The following IL20RA variants were observed in gnomAD, a reference collection of about 807,000 sequenced individuals.
The protein encoded by IL20RA is interleukin 20 receptor subunit alpha.
A neutral mutation model predicts 36.5 loss-of-function variants in IL20RA; 29 were observed. The ratio of observed to expected loss-of-function variants is 0.79; its 90% CI spans 0.59 to 1.08. The LOEUF (loss-of-function observed/expected upper bound fraction) is 1.08, where lower values mean the gene tolerates loss of function less well. Ranked by LOEUF, IL20RA falls within the 50% of genes least tolerant of loss-of-function variation. IL20RA has a pLI of 0.00. For missense variants in IL20RA, 652 were observed against 668.4 expected, an observed-to-expected ratio of 0.98 and a Z score of 0.27; for synonymous variants, 279 against 267.1, an observed-to-expected ratio of 1.04 and a Z score of -0.43.
intron 6 of IL20RA, among the ~76,000 whole-genome samples, chr6:137,002,567 T>C (rs1344011186): frequency 6.6e-6 from 1 of 152,128 alleles, no homozygotes; most frequent in East Asian, 1.9e-4. Context: ...AAGCGAGAAG[T>C]GATTCGCTGG....
At chr6:137,027,244 A>T (rs1286945744) in intron 1 of IL20RA, among the ~76,000 whole-genome samples, 3 of 152,190 alleles carry the variant, frequency 2.0e-5, no homozygotes, top group Non-Finnish European at 4.4e-5. Flanking sequence ...CTGAGAAAAA[A>T]GCTGCACAAC....
intron 2 of IL20RA, among the ~76,000 whole-genome samples, chr6:137,015,021 A>G (rs1179088496): frequency 6.6e-6 from 1 of 152,176 alleles, no homozygotes; most frequent in Non-Finnish European, 1.5e-5. Flanking sequence ...TCTTTTCCTC[A>G]CAAGATATAT....
At chr6:137,039,560 G>A (rs377742028) in intron 1 of IL20RA, among the ~76,000 whole-genome samples, 72 of 152,260 alleles carry the variant, frequency 4.7e-4, no homozygotes, top group African/African-American at 1.4e-3. Flanking sequence ...TTTGCTCATC[G>A]GTGCAAAAGA....
At chr6:137,038,553 A>G (rs1262647617) in intron 1 of IL20RA, among the ~76,000 whole-genome samples, 1 of 152,140 alleles carries the variant, frequency 6.6e-6, no homozygotes, top group Non-Finnish European at 1.5e-5. Flanking sequence ...AAGTGATTTA[A>G]TTCATGTTTC....
chr6:137,038,747 C>T (rs989841521), intron 1 of IL20RA, among the ~76,000 whole-genome samples: 1 of 152,054 alleles, frequency 6.6e-6, no homozygotes, highest in Non-Finnish European at 1.5e-5. Flanking sequence ...ATATGGAAGT[C>T]AGCATGTCAA....
At chr6:137,033,551 T>C (rs1776372761) in intron 1 of IL20RA, among the ~76,000 whole-genome samples, 1 of 152,160 alleles carries the variant, frequency 6.6e-6, no homozygotes, top group African/African-American at 2.4e-5. Context: ...TCTGGTTGTT[T>C]AAAGTGTGTA....
chr6:137,001,676 T>C lies in IL20RA; in HGVS notation c.1544A>G (p.Glu515Gly). 1.2e-6 allele frequency: 2 copies of C among 1,614,082 alleles called. No individual in the cohort carries two copies. Among genetic ancestry groups the C allele is most frequent in the Non-Finnish European group, 1.7e-6 (2 of 1,180,004 alleles). ...CTCATAGAGTCTAGATAGAAGACCCTCCTCTCCGAGCCCATCCCCCTCAGA... is the reference window on the plus strand; with the variant it reads ...CTCATAGAGTCTAGATAGAAGACCCCCCTCTCCGAGCCCATCCCCCTCAGA... ...EPSEGDGLGE[E>G]GLLSRLYEEP... Residue 515 changes from glutamate (E) to glycine (G), a missense_variant, in exon 7 of 7, where the codon GAG (glutamate) becomes GGG (glycine). Glu to Gly is a moderately conservative substitution (Grantham distance 98). Coordinates refer to ENST00000316649, the MANE Select transcript of IL20RA (RefSeq NM_014432.4).
intron 1 of IL20RA, among the ~76,000 whole-genome samples, chr6:137,024,108 CA>C (rs1776005535): frequency 6.6e-6 from 1 of 151,854 alleles, no homozygotes; most frequent in Non-Finnish European, 1.5e-5. Context: ...CAAAACAAAA[CA>C]AAACAAAACA....
intron 1 of IL20RA, among the ~76,000 whole-genome samples, chr6:137,026,563 G>C (rs1469272618): frequency 6.6e-6 from 1 of 152,198 alleles, no homozygotes; most frequent in East Asian, 1.9e-4. Flanking sequence ...ACCTTCATAG[G>C]CTTGTAGGGA....
intron 1 of IL20RA, among the ~76,000 whole-genome samples, chr6:137,036,553 C>A (rs1235630785): frequency 2.0e-5 from 3 of 152,048 alleles, no homozygotes; most frequent in Non-Finnish European, 2.9e-5. Flanking sequence ...AGGAAGAATG[C>A]CATGTGAAGA....
At chr6:137,023,684 T>C (rs904449890) in intron 1 of IL20RA, among the ~76,000 whole-genome samples, 3 of 152,172 alleles carry the variant, frequency 2.0e-5, no homozygotes, top group Non-Finnish European at 4.4e-5. Flanking sequence ...GAAGCAGAAC[T>C]GCACAGGTCC....
intron 5 of IL20RA, among the ~76,000 whole-genome samples, chr6:137,005,133 A>G (rs1775235025): frequency 2.0e-5 from 3 of 152,254 alleles, no homozygotes; most frequent in African/African-American, 7.2e-5. Context: ...AGAATTTCAA[A>G]CAAACAACAA....
At chr6:137,016,564 G>A (rs986949290) in intron 2 of IL20RA, among the ~76,000 whole-genome samples, 6 of 152,122 alleles carry the variant, frequency 3.9e-5, no homozygotes, top group Non-Finnish European at 8.8e-5. Context: ...AGGGCCAGAT[G>A]AAATGTCTAT....
At chr6:137,019,708 A>G (rs1775831456) in intron 1 of IL20RA, among the ~76,000 whole-genome samples, 1 of 152,210 alleles carries the variant, frequency 6.6e-6, no homozygotes, top group Non-Finnish European at 1.5e-5. Flanking sequence ...CACAAATGCT[A>G]TGCCAATTGT....
intron 5 of IL20RA, among the ~76,000 whole-genome samples, chr6:137,006,271 G>C (rs1012856660): frequency 6.6e-6 from 1 of 152,174 alleles, no homozygotes; most frequent in Non-Finnish European, 1.5e-5. Context: ...TCCGCATGCG[G>C]GCCTGTTACC....
intron 1 of IL20RA, among the ~76,000 whole-genome samples, chr6:137,024,208 A>T (rs1776009455): frequency 6.6e-6 from 1 of 152,252 alleles, no homozygotes; most frequent in African/African-American, 2.4e-5. Flanking sequence ...TAGTTTAAAA[A>T]AAATTGCGAA....
At position 137,011,263 on chromosome 6, in the gene IL20RA, G is replaced by T. The variant is rs189003450; in HGVS notation, c.403+11C>A. On this transcript the variant is annotated intron_variant, in intron 3 of 6. Coordinates refer to ENST00000316649, the MANE Select transcript of IL20RA (RefSeq NM_014432.4). ...TGTTTAACTGACCATTGCAATAATG[G>T]CATTACTTACTTTCTAAAAAAGGAT... 1.1e-5 allele frequency: 18 copies of T among 1,594,118 alleles called. No individual in the cohort carries two copies. The highest frequency in any genetic ancestry group is 1.5e-5 in the Non-Finnish European group (18 of 1,168,068).
At chr6:137,021,635 T>G (rs552441120) in intron 1 of IL20RA, among the ~76,000 whole-genome samples, 1 of 152,010 alleles carries the variant, frequency 6.6e-6, no homozygotes, top group Non-Finnish European at 1.5e-5. Context: ...GCCACTGCAC[T>G]CCAGCCTGGG....
At chr6:137,022,643 T>C (rs276481) in intron 1 of IL20RA, among the ~76,000 whole-genome samples, 31,379 of 152,150 alleles carry the variant, frequency 0.21, 3,505 homozygotes, top group South Asian at 0.38. Context: ...ATAAAATATA[T>C]ATTAAAGTCT....
Sources: gnomAD v4.1 joint callset for allele counts (sites outside exome capture counted in the v4.1 genomes callset) on GRCh38, gnomAD v4.1.1 for gene constraint, MANE v1.5 for transcripts, NCBI Gene and HGNC (gene_info 2026-07-23, HGNC 2026-07-21) for gene names.